The following SLC25A13 variants were observed in gnomAD, a reference collection of about 807,000 sequenced individuals.
SLC25A13 encodes the protein electrogenic aspartate/glutamate antiporter SLC25A13, mitochondrial.
SLC25A13 carries 70 observed loss-of-function variants against 85.5 expected under a neutral mutation model. The ratio of observed to expected loss-of-function variants is 0.82; its 90% CI spans 0.68 to 1.00. The LOEUF is 1.00. Ranked by LOEUF, SLC25A13 falls within the 50% of genes least tolerant of loss-of-function variation. The probability of loss-of-function intolerance (pLI) is 0.00; values close to 1 mark genes in which losing one functional copy is unlikely to be tolerated. For synonymous variants in SLC25A13, 259 were observed against 288.7 expected, an observed-to-expected ratio of 0.90 and a Z score of 1.04; for missense variants, 765 against 819.8, an observed-to-expected ratio of 0.93 and a Z score of 0.82.
At chr7:96,139,523 C>A (rs79505374) in intron 14 of SLC25A13, among the ~76,000 whole-genome samples, 1 of 151,880 alleles carries the variant, frequency 6.6e-6, no homozygotes, top group African/African-American at 2.4e-5. Flanking sequence ...TACTTGATAC[C>A]CTCTCCTTAA....
At chr7:96,122,236 C>T (rs1351891188) in intron 15 of SLC25A13, among the ~76,000 whole-genome samples, 2 of 152,150 alleles carry the variant, frequency 1.3e-5, no homozygotes, top group East Asian at 3.8e-4. Context: ...CCTTCATTTC[C>T]TTTGTTTCTA....
chr7:96,231,358 C>T (rs1796532290), intron 4 of SLC25A13, among the ~76,000 whole-genome samples: 1 of 152,134 alleles, frequency 6.6e-6, no homozygotes, highest in African/African-American at 2.4e-5. Flanking sequence ...AACTATGCAT[C>T]TGACAAAGGT....
At chr7:96,143,845 T>C (rs1226442577) in intron 14 of SLC25A13, among the ~76,000 whole-genome samples, 1 of 152,184 alleles carries the variant, frequency 6.6e-6, no homozygotes, top group Admixed American at 6.5e-5. Context: ...TCACCCTTCT[T>C]GGGTCTGGCA....
intron 13 of SLC25A13, among the ~76,000 whole-genome samples, chr7:96,153,995 C>T (rs889454476): frequency 3.3e-5 from 5 of 152,262 alleles, no homozygotes; most frequent in East Asian, 1.9e-4. Context: ...GTTGCAAATA[C>T]GTCACTTGGG....
At chr7:96,189,402 G>A (rs753358837) in intron 8 of SLC25A13, 24 bp from the exon 9 acceptor site, 18 of 1,599,450 alleles carry the variant, frequency 1.1e-5, no homozygotes, top group Non-Finnish European at 1.3e-5. Flanking sequence ...ACAAACACAA[G>A]CAACAAATAT....
rs1305732321 is a variant in SLC25A13 at position 96,208,395 on chromosome 7, AAGTATGTAGTAAGTAAATCAC to A, written c.468+422_468+442del. Among the ~76,000 whole-genome samples, 12 of 152,314 alleles carry A rather than the reference AAGTATGTAGTAAGTAAATCAC, an allele frequency of 7.9e-5. No homozygotes were observed. In the East Asian group the frequency reaches 2.3e-3, roughly 29 times the overall value. ...CAGTTTTGCCAGGCTAAACTGTAGT[AAGTATGTAGTAAGTAAATCAC>A]AGTATGTAGTAAGTAAATCACAGTT... On this transcript the variant is annotated intron_variant, in intron 5 of 17. Coordinates refer to ENST00000265631, the MANE Select transcript of SLC25A13 (RefSeq NM_014251.3).
intron 13 of SLC25A13, among the ~76,000 whole-genome samples, chr7:96,166,009 A>AGGAATCAGG (rs1264236977): frequency 6.6e-6 from 1 of 152,270 alleles, no homozygotes; most frequent in African/African-American, 2.4e-5. Context: ...CCATTATGGT[A>AGGAATCAGG]GGAATCAGGC....
chr7:96,298,911 C>T (rs1405510439), intron 1 of SLC25A13, among the ~76,000 whole-genome samples: 1 of 143,050 alleles, frequency 7.0e-6, no homozygotes, highest in Non-Finnish European at 1.5e-5. Context: ...AGGACGAACA[C>T]AAGAGAAGAT....
chr7:96,184,069 G>C (rs192004015), intron 11 of SLC25A13, among the ~76,000 whole-genome samples: 1 of 152,238 alleles, frequency 6.6e-6, no homozygotes, highest in East Asian at 1.9e-4. Context: ...ACATACAACA[G>C]AGCACTATAA....
chr7:96,253,577 CA>C (rs752895231), intron 3 of SLC25A13, among the ~76,000 whole-genome samples: 5 of 152,112 alleles, frequency 3.3e-5, no homozygotes, highest in Admixed American at 6.5e-5. Context: ...TTTTCCCATG[CA>C]AAAGACCCAT....
chr7:96,204,274 T>A (rs1016944330), intron 5 of SLC25A13, among the ~76,000 whole-genome samples: 28 of 152,226 alleles, frequency 1.8e-4, no homozygotes, highest in African/African-American at 6.0e-4. Context: ...TTATTGTAAC[T>A]TTTTTGAAAG....
intron 17 of SLC25A13, 22 bp downstream of exon 17, chr7:96,121,633 G>C: frequency 1.9e-6 from 3 of 1,611,966 alleles, no homozygotes; most frequent in Non-Finnish European, 2.5e-6. Flanking sequence ...AAATTTAGCA[G>C]CAGATTTAGC....
chr7:96,260,475 A>T (rs1055753779), intron 3 of SLC25A13, among the ~76,000 whole-genome samples: 7 of 152,126 alleles, frequency 4.6e-5, no homozygotes, highest in African/African-American at 1.7e-4. Flanking sequence ...AACACAACTC[A>T]CTGAAGTTAC....
chr7:96,322,077 A>C lies in SLC25A13; in HGVS notation c.-121T>G. On this transcript the variant is annotated 5_prime_UTR_variant, in exon 1 of 18. Coordinates refer to ENST00000265631, the MANE Select transcript of SLC25A13 (RefSeq NM_014251.3). The stretch of plus-strand genomic sequence containing the variant: ...GGTGGGGGCGGCGATACGGCCAGGC[A>C]GCGTGCGTTCCTGGCCTGCCTCCCC... The C allele has an allele frequency of 7.3e-7, 1 of 1,373,688 alleles. No individual in the cohort carries two copies. The highest frequency in any genetic ancestry group is 9.9e-7 in the Non-Finnish European group (1 of 1,005,958). The allele number at this position is 1,373,688 out of a possible 1,614,324, so 85.1% of individuals were successfully genotyped here. A position where few individuals can be genotyped will look rare whatever the true frequency, so the allele number is the denominator to read the frequency against.
chr7:96,220,955 C>A (rs999503528), intron 4 of SLC25A13, among the ~76,000 whole-genome samples: 1 of 152,176 alleles, frequency 6.6e-6, no homozygotes, highest in African/African-American at 2.4e-5. Flanking sequence ...TGACATTCTT[C>A]CACCTTCTCA....
intron 14 of SLC25A13, among the ~76,000 whole-genome samples, chr7:96,144,687 A>G (rs1302342834): frequency 6.6e-6 from 1 of 152,222 alleles, no homozygotes; most frequent in Non-Finnish European, 1.5e-5. Flanking sequence ...GGCAGCCTCT[A>G]TTCACCTGAA....
At chr7:96,170,228 C>G in intron 12 of SLC25A13, 103 bp from the exon 13 acceptor site, 1 of 995,138 alleles carries the variant, frequency 1.0e-6, no homozygotes, top group Non-Finnish European at 1.6e-6. Context: ...TTCTATCAGT[C>G]TATTGGAGTA....
intron 4 of SLC25A13, among the ~76,000 whole-genome samples, chr7:96,212,574 G>C (rs1037640456): frequency 6.6e-6 from 1 of 152,144 alleles, no homozygotes; most frequent in Admixed American, 6.5e-5. Context: ...AGGGACCTTT[G>C]AGGGAGCTTT....
intron 11 of SLC25A13, 55 bp from the exon 12 acceptor site, chr7:96,171,579 A>T (rs1794004998): frequency 1.8e-5 from 27 of 1,468,562 alleles, no homozygotes; most frequent in Non-Finnish European, 2.6e-5. Flanking sequence ...TAACTAAACA[A>T]ATCAACAGTT....
Sources: gnomAD v4.1 joint callset for allele counts (sites outside exome capture counted in the v4.1 genomes callset) on GRCh38, gnomAD v4.1.1 for gene constraint, MANE v1.5 for transcripts, NCBI Gene and HGNC (gene_info 2026-07-23, HGNC 2026-07-21) for gene names.